The following ARL15 variants were observed in gnomAD, a reference collection of about 807,000 sequenced individuals.
ARL15 encodes the protein ARF like GTPase 15, also known as ADP-ribosylation factor-like protein 15.
A neutral mutation model predicts 25.2 loss-of-function variants in ARL15; 19 were observed. That is an observed-to-expected ratio of 0.75 (90% CI 0.53 to 1.10). The LOEUF (loss-of-function observed/expected upper bound fraction) is 1.10, where lower values mean the gene tolerates loss of function less well. Ranked by LOEUF, ARL15 falls within the 50% of genes least tolerant of loss-of-function variation. The probability of loss-of-function intolerance (pLI) is 0.00; values close to 1 mark genes in which losing one functional copy is unlikely to be tolerated. For missense variants in ARL15, 220 were observed against 246.0 expected, an observed-to-expected ratio of 0.89 and a Z score of 0.71; for synonymous variants, 94 against 86.8, an observed-to-expected ratio of 1.08 and a Z score of -0.46.
chr5:54,123,503 TC>T (rs1296289292), intron 3 of ARL15, among the ~76,000 whole-genome samples: 2 of 152,166 alleles, frequency 1.3e-5, no homozygotes, highest in African/African-American at 4.8e-5. Context: ...GAAGCAAGCT[TC>T]CCCTTTGTGT....
At chr5:54,099,652 C>G (rs528201594) in intron 4 of ARL15, among the ~76,000 whole-genome samples, 4 of 152,186 alleles carry the variant, frequency 2.6e-5, no homozygotes, top group African/African-American at 9.6e-5. Flanking sequence ...CTATACCAGA[C>G]ACTGATATAA....
chr5:54,122,969 T>C (rs555736758), intron 3 of ARL15, among the ~76,000 whole-genome samples: 11 of 152,160 alleles, frequency 7.2e-5, no homozygotes, highest in Non-Finnish European at 1.2e-4. Context: ...GAGCAGGCCA[T>C]TGATATTTAT....
chr5:54,208,476 C>G (rs150687706), intron 1 of ARL15, among the ~76,000 whole-genome samples: 162 of 151,934 alleles, frequency 1.1e-3, no homozygotes, highest in African/African-American at 3.7e-3. Flanking sequence ...ACTGGAATTG[C>G]CAAACAGGAT....
chr5:54,309,223 C>T (rs1476489266), intron 1 of ARL15, among the ~76,000 whole-genome samples: 1 of 152,200 alleles, frequency 6.6e-6, no homozygotes, highest in African/African-American at 2.4e-5. Flanking sequence ...AATTTTAGAT[C>T]CAGCTCCATT....
At chr5:54,151,963 A>G (rs951568044) in intron 3 of ARL15, among the ~76,000 whole-genome samples, 5 of 152,030 alleles carry the variant, frequency 3.3e-5, no homozygotes, top group African/African-American at 1.2e-4. Context: ...TCCTGAATTA[A>G]CCCCAGGATA....
intron 4 of ARL15, among the ~76,000 whole-genome samples, chr5:53,923,914 A>G (rs6864496): frequency 0.52 from 78,349 of 151,948 alleles, 21,434 homozygotes; most frequent in African/African-American, 0.71. Context: ...TTTCAGACCA[A>G]GTAAACACTG....
intron 1 of ARL15, among the ~76,000 whole-genome samples, chr5:54,263,677 A>T (rs1284131275): frequency 6.6e-6 from 1 of 152,146 alleles, no homozygotes; most frequent in African/African-American, 2.4e-5. Flanking sequence ...CATCCATCTG[A>T]GAAATGATCA....
At chr5:54,191,181 T>G (rs762037281) in intron 1 of ARL15, among the ~76,000 whole-genome samples, 1 of 152,090 alleles carries the variant, frequency 6.6e-6, no homozygotes, top group Non-Finnish European at 1.5e-5. Flanking sequence ...CCTGAGGACA[T>G]AAGACTAAGT....
chr5:54,183,834 A>C (rs1755138099), intron 1 of ARL15, among the ~76,000 whole-genome samples: 2 of 151,440 alleles, frequency 1.3e-5, no homozygotes, highest in African/African-American at 4.9e-5. Context: ...ACAATAGCAA[A>C]GACTTGGAAC....
chr5:53,936,923 C>T (rs1746365232), intron 4 of ARL15, among the ~76,000 whole-genome samples: 1 of 152,188 alleles, frequency 6.6e-6, no homozygotes, highest in Non-Finnish European at 1.5e-5. Context: ...CCAAATGCTG[C>T]TAATCAAATC....
chr5:53,913,285 A>T (rs1364518299), intron 4 of ARL15, among the ~76,000 whole-genome samples: 3 of 152,210 alleles, frequency 2.0e-5, no homozygotes, highest in Non-Finnish European at 4.4e-5. Context: ...CATGGGCAAC[A>T]GAGTGATATT....
chr5:54,208,479 A>T (rs893773772), intron 1 of ARL15, among the ~76,000 whole-genome samples: 1 of 152,106 alleles, frequency 6.6e-6, no homozygotes, highest in Non-Finnish European at 1.5e-5. Context: ...GGAATTGCCA[A>T]ACAGGATTAA....
intron 4 of ARL15, among the ~76,000 whole-genome samples, chr5:54,008,255 G>C (rs1455051986): frequency 4.6e-5 from 7 of 152,070 alleles, no homozygotes; most frequent in Non-Finnish European, 1.0e-4. Flanking sequence ...AGGTATCTAG[G>C]GAAAAGAAGG....
At chr5:54,203,322 T>C (rs962708690) in intron 1 of ARL15, among the ~76,000 whole-genome samples, 4 of 152,216 alleles carry the variant, frequency 2.6e-5, no homozygotes, top group Admixed American at 6.6e-5. Context: ...AACATTTAAC[T>C]TCTCTTGGTC....
At chr5:54,292,784 G>A (rs1758367483) in intron 1 of ARL15, among the ~76,000 whole-genome samples, 2 of 152,036 alleles carry the variant, frequency 1.3e-5, no homozygotes, top group Non-Finnish European at 2.9e-5. Flanking sequence ...TTAGAGCAAC[G>A]TGGGTATTTC....
chr5:54,006,899 T>C (rs57322591), intron 4 of ARL15, among the ~76,000 whole-genome samples: 41,981 of 151,862 alleles, frequency 0.28, 6,033 homozygotes, highest in East Asian at 0.45. Context: ...GAGACCAGCC[T>C]GACCAACATG....
At chr5:54,294,498 A>G (rs1475869918) in intron 1 of ARL15, among the ~76,000 whole-genome samples, 2 of 152,208 alleles carry the variant, frequency 1.3e-5, no homozygotes, top group South Asian at 2.1e-4. Context: ...TCAGAAAAGG[A>G]AAGAGGGAGA....
chr5:54,280,690 A>G (rs765452598), intron 1 of ARL15, among the ~76,000 whole-genome samples: 24 of 152,236 alleles, frequency 1.6e-4, no homozygotes, highest in Non-Finnish European at 2.6e-4. Context: ...ACACACATAC[A>G]TATGTTCTTC....
chr5:54,199,148 C>A (rs1387641745), intron 1 of ARL15, among the ~76,000 whole-genome samples: 1 of 152,140 alleles, frequency 6.6e-6, no homozygotes, highest in South Asian at 2.1e-4. Context: ...AAATCAATTC[C>A]AGATGGATTA....
Sources: allele counts gnomAD v4.1 joint callset (sites outside exome capture counted in the v4.1 genomes callset), GRCh38; gene constraint gnomAD v4.1.1; transcripts MANE v1.5; gene names NCBI Gene and HGNC (gene_info 2026-07-23, HGNC 2026-07-21).